The following LSP1 variants were observed in gnomAD, a reference collection of about 807,000 sequenced individuals.
LSP1 encodes lymphocyte-specific protein 1.
LSP1 carries 32 observed loss-of-function variants against 49.3 expected under a neutral mutation model. That is an observed-to-expected ratio of 0.65 (90% CI 0.49 to 0.87). The LOEUF is 0.87. Among genes scored for constraint, LSP1 ranks in the 40% least tolerant of loss-of-function variants. The pLI is 0.00. For missense variants in LSP1, 428 were observed against 442.6 expected (o/e 0.97, Z 0.30); for synonymous variants, 179 against 178.8 (o/e 1.00, Z -0.01).
At chr11:1,888,501 C>T (rs1467095450) in intron 10 of LSP1, 3 of 152,198 alleles carry the variant, frequency 2.0e-5, no homozygotes, top group Admixed American at 6.5e-5. Flanking sequence ...AGAGGTGGGC[C>T]GAGAGAGAGG....
intron 10 of LSP1, chr11:1,889,465 G>T: frequency 1.6e-6 from 1 of 634,546 alleles, no homozygotes; most frequent in East Asian, 2.8e-5. Context: ...GGCACCTCCT[G>T]CTCTGTGGGG....
intron 1 of LSP1, among the ~76,000 whole-genome samples, chr11:1,873,949 G>C (rs1227886249): frequency 3.8e-5 from 5 of 131,072 alleles, no homozygotes; most frequent in African/African-American, 1.6e-4. Context: ...GAGGGAGGCC[G>C]GCAGAGCAGG....
At chr11:1,856,739 AC>A (rs1314812901) in intron 1 of LSP1, among the ~76,000 whole-genome samples, 14 of 151,220 alleles carry the variant, frequency 9.3e-5, no homozygotes, top group African/African-American at 2.9e-4. Context: ...ATGGGATGGA[AC>A]CCCCCAGGCA....
chr11:1,889,230 G>T, intron 10 of LSP1: 4 of 674,708 alleles, frequency 5.9e-6, no homozygotes, highest in Non-Finnish European at 1.1e-5. Flanking sequence ...TGTGGGAGGG[G>T]GCCGGGTGGC....
intron 10 of LSP1, chr11:1,890,627 T>C (rs775590557): frequency 2.9e-6 from 2 of 681,296 alleles, no homozygotes; most frequent in South Asian, 1.5e-5. Context: ...AGGCCAGCCC[T>C]CCTCCCTCCT....
chr11:1,884,209 G>A lies in LSP1; in HGVS notation c.592-71G>A. The A allele has an allele frequency of 1.9e-6, 3 of 1,569,074 alleles. No individual in the cohort carries two copies. The highest frequency in any genetic ancestry group is 1.8e-6 in the Non-Finnish European group (2 of 1,139,028). On this transcript the variant is annotated intron_variant, in intron 5 of 10. Transcript: ENST00000311604. This position sits in a 1 kb window ranked among gnomAD's most constrained non-coding sequence, Gnocchi z 4.1. Reference sequence around the variant, plus strand: ...GTTGGGGGTTGGATTAGTGGTTGGAGTAGCTGGGGAGATGGAGGGTGGGCT... The same window carrying A: ...GTTGGGGGTTGGATTAGTGGTTGGAATAGCTGGGGAGATGGAGGGTGGGCT...
At chr11:1,863,509 T>A (rs1264334907) in intron 1 of LSP1, 1 of 152,292 alleles carries the variant, frequency 6.6e-6, no homozygotes. Flanking sequence ...TGCTGCTGGC[T>A]GGACCTTGGT....
At chr11:1,862,839 T>A (rs1227883073) in intron 1 of LSP1, among the ~76,000 whole-genome samples, 1 of 151,984 alleles carries the variant, frequency 6.6e-6, no homozygotes, top group African/African-American at 2.4e-5. Flanking sequence ...CTGGGTGACC[T>A]CCCCTCCCCT....
chr11:1,868,599 G>A, intron 1 of LSP1: 4 of 962,832 alleles, frequency 4.2e-6, no homozygotes, highest in Non-Finnish European at 4.9e-6. Flanking sequence ...CAACCACAGT[G>A]TCCAAAAGGG....
At chr11:1,858,632 A>C (rs1246767729) in intron 1 of LSP1, among the ~76,000 whole-genome samples, 4 of 152,200 alleles carry the variant, frequency 2.6e-5, no homozygotes, top group Non-Finnish European at 5.9e-5. Flanking sequence ...TACTTAGAAG[A>C]GAGGGAAGCG....
chr11:1,888,534 C>T (rs2133136660), intron 10 of LSP1: 1 of 152,534 alleles, frequency 6.6e-6, no homozygotes, highest in Non-Finnish European at 1.5e-5. Context: ...CTCCTCCACC[C>T]CTGATGAGCC....
chr11:1,865,863 C>T (rs935224158), intron 1 of LSP1, among the ~76,000 whole-genome samples: 4 of 151,968 alleles, frequency 2.6e-5, no homozygotes, highest in Non-Finnish European at 5.9e-5. Context: ...TTGGGCTGAG[C>T]TTACCGGCCC....
intron 7 of LSP1, among the ~76,000 whole-genome samples, chr11:1,885,563 A>C (rs1848720820): frequency 2.0e-5 from 3 of 151,150 alleles, no homozygotes; most frequent in Admixed American, 2.0e-4. Flanking sequence ...CATCCAACCA[A>C]AATAGTTTCA....
At chr11:1,862,015 G>GTGGATGGATGGA (rs1413110131) in intron 1 of LSP1, among the ~76,000 whole-genome samples, 1 of 146,362 alleles carries the variant, frequency 6.8e-6, no homozygotes, top group Non-Finnish European at 1.5e-5. Context: ...GGATGGATGA[G>GTGGATGGATGGA]TGGATGGATG....
At chr11:1,862,268 T>C (rs1230767958) in intron 1 of LSP1, among the ~76,000 whole-genome samples, 2 of 152,208 alleles carry the variant, frequency 1.3e-5, no homozygotes, top group African/African-American at 4.8e-5. Context: ...TCTCCCATAT[T>C]GTCCCTCACA....
At chr11:1,886,191 C>T (rs61868801) in intron 7 of LSP1, among the ~76,000 whole-genome samples, 26,041 of 151,936 alleles carry the variant, frequency 0.17, 2,427 homozygotes, top group African/African-American at 0.25. Flanking sequence ...CAATCAACGT[C>T]GTTGCATGCA....
chr11:1,887,565 C>T lies in LSP1; in HGVS notation c.*2C>T, dbSNP rs753157508. 38 of 1,613,164 alleles carry T rather than the reference C, an allele frequency of 2.4e-5. No individual in the cohort carries two copies. The highest frequency in any genetic ancestry group is 2.2e-4 in the East Asian group (10 of 44,876). On this transcript the variant is annotated 3_prime_UTR_variant, in exon 10 of 11. Transcript: ENST00000311604. ...GTGGAAGGGGGCCCGGCTCCCTAGGCGTCCCATCTCGGTGAGTCCCTGGCA... is the reference window on the plus strand; with the variant it reads ...GTGGAAGGGGGCCCGGCTCCCTAGGTGTCCCATCTCGGTGAGTCCCTGGCA...
chr11:1,885,297 G>A (rs781590793), intron 7 of LSP1, among the ~76,000 whole-genome samples: 5 of 151,186 alleles, frequency 3.3e-5, no homozygotes, highest in Non-Finnish European at 7.4e-5. Context: ...CCATTCAATC[G>A]GTACCTCTCC....
intron 10 of LSP1, chr11:1,889,233 C>T (rs748044107): frequency 2.5e-5 from 17 of 674,106 alleles, no homozygotes; most frequent in Non-Finnish European, 3.9e-5. Flanking sequence ...GGGAGGGGGC[C>T]GGGTGGCCTC....
Sources: gnomAD v4.1 joint callset for allele counts (sites outside exome capture counted in the v4.1 genomes callset) on GRCh38, gnomAD v4.1.1 for gene constraint, Gnocchi (gnomAD v3.1) non-coding constraint, MANE v1.5 for transcripts, NCBI Gene and HGNC (gene_info 2026-07-23, HGNC 2026-07-21) for gene names.